Variants in GSAP observed in about 807,000 individuals in gnomAD.
GSAP encodes gamma-secretase activating protein.
GSAP carries 118 observed loss-of-function variants against 131.7 expected under a neutral mutation model. That is an observed-to-expected ratio of 0.90 (90% CI 0.77 to 1.04). GSAP has a LOEUF of 1.04. Ranked by LOEUF, GSAP falls within the 50% of genes least tolerant of loss-of-function variation. The pLI is 0.00. For missense variants in GSAP, 1,019 were observed against 1,013.2 expected (o/e 1.01, Z -0.08); for synonymous variants, 381 against 363.4 (o/e 1.05, Z -0.55).
intron 26 of GSAP, among the ~76,000 whole-genome samples, chr7:77,317,344 T>C (rs111883209): frequency 8.1e-6 from 1 of 124,024 alleles, no homozygotes. Context: ...TGGACAAGGG[T>C]TGGGGGGGAA....
chr7:77,399,436 T>G (rs544408150), intron 3 of GSAP, among the ~76,000 whole-genome samples: 2 of 152,084 alleles, frequency 1.3e-5, no homozygotes, highest in Non-Finnish European at 2.9e-5. Flanking sequence ...CCAAACCCAG[T>G]GGAAAAGAGA....
chr7:77,384,860 G>A (rs1457576596), intron 6 of GSAP, among the ~76,000 whole-genome samples: 4 of 152,108 alleles, frequency 2.6e-5, no homozygotes, highest in African/African-American at 7.2e-5. Flanking sequence ...GGGAGAAGGC[G>A]GGGATTTGCC....
chr7:77,401,968 T>G (rs569885742), intron 3 of GSAP, among the ~76,000 whole-genome samples: 8 of 152,346 alleles, frequency 5.3e-5, no homozygotes, highest in Admixed American at 2.0e-4. Context: ...TAGAACCATA[T>G]GCACACATTC....
rs777710360 is a variant in GSAP at position 77,312,108 on chromosome 7, T to C, written c.2366A>G (p.Lys789Arg). The change falls in exon 29 of 31, where the codon AAG becomes AGG. Residue 789 changes from lysine to arginine, a missense_variant. Transcript: ENST00000257626. ...GCTTTCAGAGAAACTCACCTGTTTC[T>C]TATAGTTCTGAAGCAGTCGCGTCAC... Reference protein sequence around the residue: ...NHVTRLLQNYKKQPRNSMINK... With the variant: ...NHVTRLLQNYRKQPRNSMINK... 1.7e-5 allele frequency: 27 copies of C among 1,586,106 alleles called. No homozygotes were observed. Among genetic ancestry groups the C allele is most frequent in the Non-Finnish European group, 2.2e-5 (26 of 1,164,140 alleles).
intron 1 of GSAP, among the ~76,000 whole-genome samples, chr7:77,412,988 T>G (rs754566034): frequency 6.6e-6 from 1 of 152,120 alleles, no homozygotes; most frequent in African/African-American, 2.4e-5. Flanking sequence ...CATATGCCTG[T>G]GTGCACCAGG....
chr7:77,324,717 A>G (rs756105168), intron 23 of GSAP, among the ~76,000 whole-genome samples: 6 of 152,170 alleles, frequency 3.9e-5, no homozygotes, highest in Non-Finnish European at 8.8e-5. Context: ...GATAAAAATT[A>G]AAATCACCCA....
At chr7:77,332,652 C>A (rs1789335176) in intron 19 of GSAP, among the ~76,000 whole-genome samples, 1 of 152,072 alleles carries the variant, frequency 6.6e-6, no homozygotes, top group African/African-American at 2.4e-5. Flanking sequence ...GGAAAAAGAT[C>A]TGAATTTAAA....
chr7:77,335,091 A>G (rs1459067588), intron 19 of GSAP, among the ~76,000 whole-genome samples: 1 of 150,972 alleles, frequency 6.6e-6, no homozygotes, highest in Non-Finnish European at 1.5e-5. Context: ...TCAATTAAAA[A>G]AAAAAAGAAA....
chr7:77,408,237 C>T (rs1802638451), intron 1 of GSAP, among the ~76,000 whole-genome samples: 1 of 152,190 alleles, frequency 6.6e-6, no homozygotes, highest in South Asian at 2.1e-4. Flanking sequence ...GATATACAGA[C>T]TCTTTACACA....
rs1029746732 is a variant in GSAP, at chr7:77,371,681, C to T, written c.871+2389G>A. 2.0e-5 allele frequency among the ~76,000 whole-genome samples: 3 copies of T among 152,202 alleles called. No homozygotes were observed. The South Asian group carries it at 6.2e-4, about 31-fold the overall frequency. On this transcript the variant is annotated intron_variant, in intron 12 of 30. Transcript: ENST00000257626. ...CAAACTCCTGACTTCAGGTGATCTGCCCGCCTCGGCCTCCCGAAGTTCTGG... is the reference window on the plus strand; with the variant it reads ...CAAACTCCTGACTTCAGGTGATCTGTCCGCCTCGGCCTCCCGAAGTTCTGG...
In GSAP at chr7:77,360,907, A is replaced by G. The variant is rs1794437592; in HGVS notation, c.950-6T>C. 11 of 1,549,158 alleles carry G rather than the reference A, an allele frequency of 7.1e-6. No homozygotes were observed. The highest frequency in any genetic ancestry group is 9.8e-6 in the Non-Finnish European group (11 of 1,121,644). ...GGTGAAGGTCTTGCTGTGTCCTGCA[A>G]AGAGAGAATATGAAGCCAGAGAATG... On this transcript the variant is annotated splice_region_variant and splice_polypyrimidine_tract_variant and intron_variant, in intron 13 of 30. Coordinates refer to ENST00000257626, the MANE Select transcript of GSAP (RefSeq NM_017439.4).
At chr7:77,315,936 C>T (rs1201559135) in intron 26 of GSAP, 1 of 152,104 alleles carries the variant, frequency 6.6e-6, no homozygotes, top group Non-Finnish European at 1.5e-5. Context: ...GGGAGGCAGA[C>T]AATCAATTAC....
At chr7:77,335,638 C>CA (rs35007749) in intron 19 of GSAP, among the ~76,000 whole-genome samples, 12,408 of 146,594 alleles carry the variant, frequency 0.085, 559 homozygotes, top group Middle Eastern at 0.11. Context: ...CAAAAACAAA[C>CA]AAAAAAAAAA....
At chr7:77,380,307 TG>T (rs1403589716) in intron 8 of GSAP, among the ~76,000 whole-genome samples, 2 of 152,308 alleles carry the variant, frequency 1.3e-5, no homozygotes, top group African/African-American at 4.8e-5. Flanking sequence ...CTTCTAAAAC[TG>T]TCAATTGTTA....
intron 10 of GSAP, among the ~76,000 whole-genome samples, chr7:77,376,574 G>A (rs1461033592): frequency 6.6e-6 from 1 of 152,052 alleles, no homozygotes; most frequent in Non-Finnish European, 1.5e-5. Context: ...AGGAGATCAA[G>A]ACCATCCTGG....
At chr7:77,312,079 C>A (rs750592817) in intron 29 of GSAP, 22 bp downstream of exon 29, 2 of 1,481,714 alleles carry the variant, frequency 1.3e-6, no homozygotes, top group East Asian at 2.3e-5. Flanking sequence ...ATTTAGTTGG[C>A]TGTGCTTTCA....
At position 77,353,020 on chromosome 7, in the gene GSAP, G is replaced by A; in HGVS notation, c.1415C>T (p.Ser472Leu). 2 of 1,589,808 alleles carry A rather than the reference G, an allele frequency of 1.3e-6. No individual in the cohort carries two copies. Among genetic ancestry groups the A allele is most frequent in the Non-Finnish European group, 1.7e-6 (2 of 1,158,568 alleles). Reference protein sequence around the residue: ...DLIQEFIIASSYWSVYSETSN... With the variant: ...DLIQEFIIASLYWSVYSETSN... ...TGTCTCTGAATATACACTCCAGTAT[G>A]AAGAAGCTGAGTAGATTTTTTTTGA... Residue 472 changes from serine to leucine, a missense_variant, in exon 18 of 31, where the codon TCA (serine) becomes TTA (leucine). Coordinates refer to ENST00000257626, the MANE Select transcript of GSAP (RefSeq NM_017439.4).
chr7:77,351,620 A>G lies in GSAP; in HGVS notation c.1491+1324T>C, dbSNP rs1348295447. On this transcript the variant is annotated intron_variant, in intron 18 of 30. Transcript: ENST00000257626. ...GGAGGTTATAACCACAGGTTTCTTT[A>G]TATCGCTCTTCTTGGACTTCCTGAT... is the stretch of plus-strand genomic sequence containing the variant. 3.0e-6 allele frequency: 3 copies of G among 985,604 alleles called. No individual in the cohort carries two copies. In the African/African-American group the frequency reaches 5.2e-5, roughly 17 times the overall value. 61.1% of individuals were successfully genotyped at this position (985,604 alleles called of 1,614,324 possible). A position where few individuals can be genotyped will look rare whatever the true frequency, so the allele number is the denominator to read the frequency against.
chr7:77,373,509 T>C (rs983161207), intron 12 of GSAP, among the ~76,000 whole-genome samples: 34 of 152,214 alleles, frequency 2.2e-4, no homozygotes, highest in Non-Finnish European at 4.4e-4. Flanking sequence ...TAATGAGCAG[T>C]TTTTCACCAG....
Sources: allele counts gnomAD v4.1 joint callset (sites outside exome capture counted in the v4.1 genomes callset), GRCh38; gene constraint gnomAD v4.1.1; transcripts MANE v1.5; gene names NCBI Gene and HGNC (gene_info 2026-07-23, HGNC 2026-07-21).